Variants in CAMK1D observed in about 807,000 individuals in gnomAD.
CAMK1D encodes the protein calcium/calmodulin dependent protein kinase ID.
In CAMK1D, 9 loss-of-function variants were observed where a neutral mutation model predicts 47.7. The ratio of observed to expected loss-of-function variants is 0.19; its 90% CI spans 0.11 to 0.33. CAMK1D has a LOEUF of 0.33. CAMK1D is among the 10% of genes least tolerant of loss of function. The probability of loss-of-function intolerance (pLI) is 1.00; values close to 1 mark genes in which losing one functional copy is unlikely to be tolerated. For missense variants in CAMK1D, 291 were observed against 488.7 expected, an observed-to-expected ratio of 0.60 and a Z score of 3.81; for synonymous variants, 184 against 184.9, an observed-to-expected ratio of 0.99 and a Z score of 0.04.
intron 6 of CAMK1D, among the ~76,000 whole-genome samples, chr10:12,811,960 A>G (rs144814883): frequency 6.6e-6 from 1 of 152,352 alleles, no homozygotes; most frequent in African/African-American, 2.4e-5. Flanking sequence ...AAAGCAGCAC[A>G]TCTTTAAAAA....
At chr10:12,825,479 T>A (rs1013052272) in intron 9 of CAMK1D, 94 bp from the exon 10 acceptor site, 2 of 1,230,172 alleles carry the variant, frequency 1.6e-6, no homozygotes, top group African/African-American at 3.0e-5. Context: ...GAGTTTGAAA[T>A]GCTTAGGCTA....
At chr10:12,761,341 C>G (rs1836498664) in intron 4 of CAMK1D, among the ~76,000 whole-genome samples, 1 of 152,206 alleles carries the variant, frequency 6.6e-6, no homozygotes, top group East Asian at 1.9e-4. Context: ...CAAAGGGTTA[C>G]AGGGAGGTGG....
chr10:12,422,738 T>A (rs991269839), intron 1 of CAMK1D, among the ~76,000 whole-genome samples: 2 of 152,008 alleles, frequency 1.3e-5, no homozygotes, highest in African/African-American at 4.8e-5. Context: ...AGTGGCATAA[T>A]CTCGGCTCAC....
intron 3 of CAMK1D, 87 bp from the exon 4 acceptor site, chr10:12,760,861 A>G (rs1203712293): frequency 6.9e-7 from 1 of 1,454,740 alleles, no homozygotes; most frequent in Non-Finnish European, 9.5e-7. Context: ...TTTTTGCAAT[A>G]AAGTTTGGGA....
intron 1 of CAMK1D, among the ~76,000 whole-genome samples, chr10:12,394,408 C>T (rs931393904): frequency 1.3e-5 from 2 of 152,206 alleles, no homozygotes; most frequent in Admixed American, 1.3e-4. Flanking sequence ...TCTCCCCTTT[C>T]TGGACTGGCA....
At chr10:12,453,603 C>T (rs1564349378) in intron 1 of CAMK1D, among the ~76,000 whole-genome samples, 1 of 152,182 alleles carries the variant, frequency 6.6e-6, no homozygotes, top group Admixed American at 6.5e-5. Flanking sequence ...TATTGTGAAT[C>T]ATGCTGCTAG....
In CAMK1D at chr10:12,824,499, C is replaced by A. The variant is rs138858875; in HGVS notation, c.868C>A (p.His290Asn). The change falls in exon 9 of 11, where the codon CAC becomes AAC. Residue 290 changes from histidine (H) to asparagine (N), a missense_variant. His to Asn is a moderately conservative substitution (Grantham distance 68). Around this residue, in one of 2 missense-constraint regions of CAMK1D, gnomAD observed 219 missense variants for 424.3 expected, o/e 0.52. Coordinates refer to ENST00000619168, the MANE Select transcript of CAMK1D (RefSeq NM_153498.4). Reference protein sequence around the residue: ...AGDTALNKNIHESVSAQIRKN... With the variant: ...AGDTALNKNINESVSAQIRKN... ...TGACACAGCCCTCAACAAAAACATCCACGAGTCCGTCAGCGCCCAGATCCG... is the reference window on the plus strand; with the variant it reads ...TGACACAGCCCTCAACAAAAACATCAACGAGTCCGTCAGCGCCCAGATCCG... 6.2e-7 allele frequency: 1 copy of A among 1,614,122 alleles called. No individual in the cohort carries two copies. The highest frequency in any genetic ancestry group is 8.5e-7 in the Non-Finnish European group (1 of 1,180,022).
intron 6 of CAMK1D, among the ~76,000 whole-genome samples, chr10:12,804,827 A>AC (rs916622521): frequency 2.0e-5 from 3 of 147,572 alleles, no homozygotes; most frequent in Non-Finnish European, 4.4e-5. Flanking sequence ...GGTTCCCACT[A>AC]CTCAGGAAGT....
chr10:12,691,216 A>G (rs1832864299), intron 3 of CAMK1D, among the ~76,000 whole-genome samples: 1 of 151,634 alleles, frequency 6.6e-6, no homozygotes, highest in Admixed American at 6.6e-5. Context: ...GCTTTCTAGA[A>G]ATTGGACTGC....
Position 12,603,192 on chromosome 10 carries a change from C to T in CAMK1D, c.224+49836C>T, listed in dbSNP as rs372570663. On this transcript the variant is annotated intron_variant, in intron 2 of 10. Coordinates refer to ENST00000619168, the MANE Select transcript of CAMK1D (RefSeq NM_153498.4). Reference sequence around the variant, plus strand: ...CTGGGATTACAGGCATGAGCCACCGCGCCTGGCCTCTAACTGCTTGTTGAT... The same window carrying T: ...CTGGGATTACAGGCATGAGCCACCGTGCCTGGCCTCTAACTGCTTGTTGAT... Among the ~76,000 whole-genome samples, 39 of 152,176 alleles carry T rather than the reference C, an allele frequency of 2.6e-4. No individual in the cohort carries two copies. In the East Asian group the frequency reaches 6.0e-3, roughly 24 times the overall value.
At chr10:12,544,780 A>G (rs939459745) in intron 1 of CAMK1D, among the ~76,000 whole-genome samples, 7 of 140,860 alleles carry the variant, frequency 5.0e-5, no homozygotes, top group African/African-American at 1.1e-4. Context: ...TTGAGTGGAT[A>G]GTACTAGTGT....
chr10:12,547,648 C>CT (rs879586009), intron 1 of CAMK1D, among the ~76,000 whole-genome samples: 8 of 101,020 alleles, frequency 7.9e-5, no homozygotes, highest in African/African-American at 3.8e-4. Flanking sequence ...CACCCCCCCC[C>CT]CAACCCTGCA....
Position 12,831,254 on chromosome 10 carries a change from A to G in CAMK1D, c.*2367A>G, listed in dbSNP as rs1387392057. 6.6e-6 allele frequency: 1 copy of G among 152,234 alleles called. No homozygotes were observed. Among genetic ancestry groups the G allele is most frequent in the Non-Finnish European group, 1.5e-5 (1 of 68,042 alleles). 9.4% of individuals were successfully genotyped at this position (152,234 alleles called of 1,614,324 possible). On this transcript the variant is annotated 3_prime_UTR_variant, in exon 11 of 11. Transcript: ENST00000619168. ...GTTGGCCATGCAATGAATGAATATT[A>G]TAAGCAGTATTGGAGAACTAGGCGG...
intron 1 of CAMK1D, among the ~76,000 whole-genome samples, chr10:12,360,730 A>C (rs1564292295): frequency 6.6e-6 from 1 of 152,138 alleles, no homozygotes; most frequent in East Asian, 1.9e-4. Flanking sequence ...GAGTGAGGCA[A>C]GGTGGTAATG....
At chr10:12,756,037 T>C (rs1476057417) in intron 3 of CAMK1D, among the ~76,000 whole-genome samples, 1 of 152,198 alleles carries the variant, frequency 6.6e-6, no homozygotes, top group Non-Finnish European at 1.5e-5. Flanking sequence ...ATTTCAAATA[T>C]TTGCTGTGCC....
chr10:12,393,103 C>G (rs1291273265), intron 1 of CAMK1D, among the ~76,000 whole-genome samples: 1 of 151,480 alleles, frequency 6.6e-6, no homozygotes, highest in Non-Finnish European at 1.5e-5. Context: ...GCAATCTCTG[C>G]TCACTCCAAG....
At chr10:12,785,415 G>A (rs1356286977) in intron 5 of CAMK1D, among the ~76,000 whole-genome samples, 1 of 152,194 alleles carries the variant, frequency 6.6e-6, no homozygotes, top group Non-Finnish European at 1.5e-5. Flanking sequence ...CTTGCAGGAG[G>A]CATGGGAGCA....
At chr10:12,760,821 G>C (rs1004656127) in intron 3 of CAMK1D, 127 bp from the exon 4 acceptor site, 2 of 972,118 alleles carry the variant, frequency 2.1e-6, no homozygotes, top group Non-Finnish European at 1.6e-6. Flanking sequence ...AGGAATAGGG[G>C]GGCAACATCT....
intron 1 of CAMK1D, among the ~76,000 whole-genome samples, chr10:12,477,586 G>A (rs1034225179): frequency 1.7e-4 from 26 of 152,176 alleles, no homozygotes; most frequent in African/African-American, 3.9e-4. Flanking sequence ...CGGGATTTAG[G>A]TAGACAGGTG....
Sources: gnomAD v4.1 joint callset for allele counts (sites outside exome capture counted in the v4.1 genomes callset) on GRCh38, gnomAD v4.1.1 for gene constraint, gnomAD v4.1.1 regional missense constraint, MANE v1.5 for transcripts, NCBI Gene and HGNC (gene_info 2026-07-23, HGNC 2026-07-21) for gene names.